Variants in CDKAL1 observed in about 807,000 individuals in gnomAD.
The protein encoded by CDKAL1 is threonylcarbamoyladenosine tRNA methylthiotransferase.
CDKAL1 carries 32 observed loss-of-function variants against 68.2 expected under a neutral mutation model. The ratio of observed to expected loss-of-function variants is 0.47; its 90% confidence interval spans 0.35 to 0.63. The LOEUF (loss-of-function observed/expected upper bound fraction) is 0.63. CDKAL1 is among the 30% of genes least tolerant of loss of function. The pLI is 0.00. For synonymous variants in CDKAL1, 234 were observed against 244.3 expected (o/e 0.96, Z 0.39); for missense variants, 606 against 696.7 (o/e 0.87, Z 1.47).
chr6:21,003,373 C>CATATATAT (rs1372992849), intron 11 of CDKAL1, among the ~76,000 whole-genome samples: 5 of 26,298 alleles, frequency 1.9e-4, no homozygotes, highest in African/African-American at 4.6e-4. Context: ...TATATATATA[C>CATATATAT]ACACACACAC....
At chr6:21,198,204 C>T (rs1778545547) in intron 14 of CDKAL1, 100 bp downstream of exon 14, 1 of 733,306 alleles carries the variant, frequency 1.4e-6, no homozygotes, top group East Asian at 2.6e-5. Flanking sequence ...TGAATCTTGT[C>T]ACAACAAGGC....
At chr6:21,054,372 T>C (rs1252553794) in intron 11 of CDKAL1, among the ~76,000 whole-genome samples, 1 of 151,954 alleles carries the variant, frequency 6.6e-6, no homozygotes. Context: ...ATAGTTAGTC[T>C]TTAAAACAGG....
intron 13 of CDKAL1, among the ~76,000 whole-genome samples, chr6:21,134,337 ATT>A (rs1775473872): frequency 6.6e-6 from 1 of 152,210 alleles, no homozygotes; most frequent in Admixed American, 6.5e-5. Context: ...GGGGAAGGGG[ATT>A]TAAATTCTCC....
intron 10 of CDKAL1, among the ~76,000 whole-genome samples, chr6:20,998,998 T>C (rs1422248812): frequency 6.6e-6 from 1 of 152,218 alleles, no homozygotes; most frequent in Non-Finnish European, 1.5e-5. Flanking sequence ...TGACTAACTC[T>C]TGAAGAGCTG....
At chr6:20,656,581 C>A (rs1769036214) in intron 5 of CDKAL1, among the ~76,000 whole-genome samples, 1 of 151,880 alleles carries the variant, frequency 6.6e-6, no homozygotes, top group Admixed American at 6.6e-5. Context: ...GCTACTGATA[C>A]CCCCTATGTA....
intron 6 of CDKAL1, among the ~76,000 whole-genome samples, chr6:20,754,182 G>A (rs533136358): frequency 9.7e-4 from 147 of 152,198 alleles, no homozygotes; most frequent in Non-Finnish European, 1.3e-3. Flanking sequence ...GGATCTCGCT[G>A]TGTTGCCCAA....
At chr6:20,970,548 T>TA (rs778155637) in intron 10 of CDKAL1, among the ~76,000 whole-genome samples, 6 of 152,190 alleles carry the variant, frequency 3.9e-5, no homozygotes, top group Non-Finnish European at 8.8e-5. Flanking sequence ...AGACCATCAA[T>TA]ATGTGAAGTT....
chr6:21,205,562 G>T (rs1582414189), intron 15 of CDKAL1, among the ~76,000 whole-genome samples: 1 of 151,456 alleles, frequency 6.6e-6, no homozygotes, highest in African/African-American at 2.4e-5. Flanking sequence ...ACAGAGTCTC[G>T]CCCTGTCGCC....
At chr6:20,741,824 C>A (rs1773473005) in intron 6 of CDKAL1, among the ~76,000 whole-genome samples, 1 of 151,960 alleles carries the variant, frequency 6.6e-6, no homozygotes, top group South Asian at 2.1e-4. Context: ...GGGTATATAC[C>A]CAGTAATTAC....
chr6:21,157,505 T>G (rs571597630), intron 13 of CDKAL1, among the ~76,000 whole-genome samples: 32 of 152,364 alleles, frequency 2.1e-4, no homozygotes, highest in African/African-American at 6.3e-4. Context: ...CAGTGTGTCT[T>G]ATAATTACAA....
chr6:20,758,422 T>C (rs1305738643), intron 6 of CDKAL1, among the ~76,000 whole-genome samples, 173 bp from the exon 7 acceptor site: 1 of 152,334 alleles, frequency 6.6e-6, no homozygotes, highest in Non-Finnish European at 1.5e-5. Context: ...TCATACTTCA[T>C]TGAAACACAA....
intron 12 of CDKAL1, among the ~76,000 whole-genome samples, chr6:21,102,129 A>G (rs954466488): frequency 3.9e-5 from 6 of 152,072 alleles, no homozygotes; most frequent in African/African-American, 1.4e-4. Context: ...CTTCAGCCCA[A>G]CTAGGACTCC....
At chr6:20,798,810 G>A (rs1385948808) in intron 8 of CDKAL1, among the ~76,000 whole-genome samples, 1 of 150,408 alleles carries the variant, frequency 6.6e-6, no homozygotes, top group East Asian at 2.0e-4. Context: ...TATATCTAAC[G>A]TAAATGACGA....
At chr6:20,978,326 TAGTA>T (rs1407573802) in intron 10 of CDKAL1, among the ~76,000 whole-genome samples, 1 of 152,148 alleles carries the variant, frequency 6.6e-6, no homozygotes, top group African/African-American at 2.4e-5. Flanking sequence ...CTTAAGTTAT[TAGTA>T]AGTGCCACAG....
chr6:20,931,329 T>C (rs1424142345), intron 9 of CDKAL1, among the ~76,000 whole-genome samples: 1 of 152,228 alleles, frequency 6.6e-6, no homozygotes, highest in Non-Finnish European at 1.5e-5. Flanking sequence ...CTATGTTCTC[T>C]ACTGGTAAAT....
chr6:20,797,265 A>G (rs1390696364), intron 8 of CDKAL1, among the ~76,000 whole-genome samples: 1 of 152,202 alleles, frequency 6.6e-6, no homozygotes, highest in Non-Finnish European at 1.5e-5. Flanking sequence ...AAGCACATGT[A>G]AAGTTTTTCG....
At position 21,230,914 on chromosome 6, in the gene CDKAL1, G is replaced by A. The variant is rs1779949416; in HGVS notation, c.1615G>A (p.Asp539Asn). The A allele has an allele frequency of 6.2e-7, 1 of 1,614,088 alleles. No homozygotes were observed. ...GSHTSAASQC[D>N]SASSRMVLPM... ...CCACACCTCTGCTGCATCTCAGTGT[G>A]ACTCAGCGAGTTCCAGAATGGTGCT... Residue 539 changes from aspartate to asparagine, a missense_variant, in exon 16 of 16, where the codon GAC becomes AAC. Asp to Asn is a conservative substitution (Grantham distance 23). Coordinates refer to ENST00000274695, the MANE Select transcript of CDKAL1 (RefSeq NM_017774.3).
Position 20,762,242 on chromosome 6 carries a change from A to G in CDKAL1, c.517+3599A>G, listed in dbSNP as rs548619641. On this transcript the variant is annotated intron_variant, in intron 7 of 15. Transcript: ENST00000274695. ...CTCCTTACTGATGAGCGTGGACTTG[A>G]GTGGATTTACTGGAGAGATTGTGTG... Among the ~76,000 whole-genome samples the G allele has an allele frequency of 2.6e-5, 4 of 152,246 alleles. No individual in the cohort carries two copies. In the South Asian group the frequency reaches 8.3e-4, roughly 32 times the overall value.
chr6:20,915,039 T>C (rs1762657585), intron 9 of CDKAL1, among the ~76,000 whole-genome samples: 1 of 152,144 alleles, frequency 6.6e-6, no homozygotes. Context: ...GATGTTCTTA[T>C]ATCGTATTTA....
Sources: gnomAD v4.1 joint callset for allele counts (sites outside exome capture counted in the v4.1 genomes callset) on GRCh38, gnomAD v4.1.1 for gene constraint, MANE v1.5 for transcripts, NCBI Gene and HGNC (gene_info 2026-07-23, HGNC 2026-07-21) for gene names.